GRM7: variants seen among roughly 807,000 people sequenced by gnomAD.
GRM7 encodes the protein glutamate metabotropic receptor 7.
GRM7 carries 35 observed loss-of-function variants against 84.5 expected under a neutral mutation model. That is an observed-to-expected ratio of 0.41 (90% CI 0.32 to 0.55). The LOEUF is 0.55. GRM7 is among the 20% of genes least tolerant of loss of function. The pLI, the probability that GRM7 is intolerant of heterozygous loss-of-function variation, is 0.19. For synonymous variants in GRM7, 487 were observed against 455.1 expected, an observed-to-expected ratio of 1.07 and a Z score of -0.89; for missense variants, 1,003 against 1,194.6, an observed-to-expected ratio of 0.84 and a Z score of 2.36.
At chr3:7,341,460 A>G (rs1396411) in intron 4 of GRM7, among the ~76,000 whole-genome samples, 2,530 of 151,986 alleles carry the variant, frequency 0.017, 35 homozygotes, top group Admixed American at 0.028. Flanking sequence ...GTACTACTAG[A>G]TAGAGTATTA....
At chr3:7,718,154 A>G (rs961500230) in intron 9 of GRM7, among the ~76,000 whole-genome samples, 1 of 152,188 alleles carries the variant, frequency 6.6e-6, no homozygotes, top group African/African-American at 2.4e-5. Context: ...GAATGAAAGC[A>G]TCTTCTCAGG....
At chr3:6,982,758 T>C (rs1421544226) in intron 1 of GRM7, among the ~76,000 whole-genome samples, 1 of 152,234 alleles carries the variant, frequency 6.6e-6, no homozygotes, top group Admixed American at 6.5e-5. Flanking sequence ...ACTAGCTTTT[T>C]TGACTTGGCT....
intron 3 of GRM7, among the ~76,000 whole-genome samples, chr3:7,303,570 C>T (rs1055150896): frequency 2.6e-5 from 4 of 152,080 alleles, no homozygotes; most frequent in Admixed American, 6.6e-5. Context: ...ATATGATGCA[C>T]TACAGCATCA....
At chr3:7,468,369 T>C (rs1698547934) in intron 7 of GRM7, among the ~76,000 whole-genome samples, 1 of 152,232 alleles carries the variant, frequency 6.6e-6, no homozygotes, top group Non-Finnish European at 1.5e-5. Flanking sequence ...CAGTAGGCTT[T>C]AAAGCTGAAC....
intron 1 of GRM7, among the ~76,000 whole-genome samples, chr3:7,133,338 A>G (rs922302352): frequency 1.2e-4 from 18 of 152,202 alleles, no homozygotes; most frequent in East Asian, 3.8e-4. Flanking sequence ...AACTGTGACA[A>G]TGTTCCTCCA....
chr3:6,935,824 T>C (rs1697672649), intron 1 of GRM7, among the ~76,000 whole-genome samples: 1 of 151,912 alleles, frequency 6.6e-6, no homozygotes, highest in Admixed American at 6.6e-5. Flanking sequence ...GCCTCCCAAG[T>C]AGCTTGGATT....
chr3:7,134,452 C>G (rs1172911827), intron 1 of GRM7, among the ~76,000 whole-genome samples: 1 of 152,062 alleles, frequency 6.6e-6, no homozygotes, highest in Non-Finnish European at 1.5e-5. Flanking sequence ...TCATCATCAT[C>G]ATCATCAGTA....
intron 2 of GRM7, among the ~76,000 whole-genome samples, chr3:7,175,566 G>A (rs1009200033): frequency 6.6e-6 from 1 of 152,148 alleles, no homozygotes; most frequent in African/African-American, 2.4e-5. Context: ...GAGACAAAGT[G>A]TCACTCTATT....
intron 2 of GRM7, among the ~76,000 whole-genome samples, chr3:7,209,725 A>G (rs1341326213): frequency 6.6e-6 from 1 of 152,224 alleles, no homozygotes; most frequent in Admixed American, 6.5e-5. Context: ...GAAGGCATAC[A>G]AACCAGATGC....
chr3:7,247,169 A>C (rs1006832618), intron 2 of GRM7, among the ~76,000 whole-genome samples: 1 of 152,132 alleles, frequency 6.6e-6, no homozygotes, highest in African/African-American at 2.4e-5. Context: ...GTCATAATTA[A>C]ATTTAAGAGT....
At chr3:6,870,437 AT>A (rs1695084875) in intron 1 of GRM7, among the ~76,000 whole-genome samples, 1 of 152,198 alleles carries the variant, frequency 6.6e-6, no homozygotes, top group South Asian at 2.1e-4. Flanking sequence ...AGTAGAGTCA[AT>A]GAGGAGGAAG....
chr3:7,204,720 G>A (rs1261776228), intron 2 of GRM7, among the ~76,000 whole-genome samples: 2 of 152,208 alleles, frequency 1.3e-5, no homozygotes, highest in Non-Finnish European at 2.9e-5. Flanking sequence ...CATTGGGACT[G>A]CCAGACAGAC....
chr3:7,324,225 A>G (rs577972679), intron 4 of GRM7, among the ~76,000 whole-genome samples: 1 of 152,232 alleles, frequency 6.6e-6, no homozygotes, highest in East Asian at 1.9e-4. Context: ...ATGAGCTTCA[A>G]CTCAGGTGTA....
At position 7,125,785 on chromosome 3, in the gene GRM7, G is replaced by A. The variant is rs553883832; in HGVS notation, c.520-20667G>A. On this transcript the variant is annotated intron_variant, in intron 1 of 9. Coordinates refer to ENST00000357716, the MANE Select transcript of GRM7 (RefSeq NM_000844.4). ...GGCAGTAAAAATATTTACAGTGAGA[G>A]GGCTGTCTTTTTTGTTCACATTTTC... Among the ~76,000 whole-genome samples the A allele has an allele frequency of 2.0e-4, 30 of 152,250 alleles. 1 individual carries two copies. The highest frequency in any genetic ancestry group is 6.0e-4 in the African/African-American group (25 of 41,546).
rs1204772192 is a variant in GRM7, at chr3:7,578,841, G to A, written c.1935G>A (p.Leu645=). Residue 645 remains leucine (L), a synonymous_variant, in exon 8 of 10, where the codon CTG becomes CTA. Coordinates refer to ENST00000357716, the MANE Select transcript of GRM7 (RefSeq NM_000844.4). ...GIFLCYIITF[L]MIAKPDVAVC... ...TTCTTTGCTACATCATCACTTTCCT[G>A]ATGATTGCCAAACCAGATGTGGCAG... The A allele has an allele frequency of 1.1e-5, 18 of 1,614,046 alleles. No individual in the cohort carries two copies. Among genetic ancestry groups the A allele is most frequent in the Non-Finnish European group, 1.5e-5 (18 of 1,180,040 alleles).
chr3:7,585,178 G>C (rs533928195), intron 8 of GRM7, among the ~76,000 whole-genome samples: 11 of 152,312 alleles, frequency 7.2e-5, no homozygotes, highest in African/African-American at 2.2e-4. Flanking sequence ...ACTGGTTGTT[G>C]AGGTCTTGCT....
chr3:7,084,784 G>A (rs1051183513), intron 1 of GRM7, among the ~76,000 whole-genome samples: 10 of 152,014 alleles, frequency 6.6e-5, no homozygotes, highest in Admixed American at 6.6e-5. Context: ...TTCTTTATTC[G>A]GGAAATGAAA....
chr3:7,738,441 G>A (rs1702576434), intron 9 of GRM7, among the ~76,000 whole-genome samples: 4 of 152,014 alleles, frequency 2.6e-5, no homozygotes, highest in African/African-American at 4.8e-5. Context: ...AAGCATCAAC[G>A]GAATGCCATT....
At chr3:6,972,270 G>A (rs1693786101) in intron 1 of GRM7, among the ~76,000 whole-genome samples, 1 of 152,136 alleles carries the variant, frequency 6.6e-6, no homozygotes, top group Non-Finnish European at 1.5e-5. Context: ...AAAGACTCCT[G>A]TGAATTTTCT....
Sources: allele counts gnomAD v4.1 joint callset (sites outside exome capture counted in the v4.1 genomes callset), GRCh38; gene constraint gnomAD v4.1.1; transcripts MANE v1.5; gene names NCBI Gene and HGNC (gene_info 2026-07-23, HGNC 2026-07-21).